THSD7B: variants seen among roughly 807,000 people sequenced by gnomAD.
THSD7B encodes thrombospondin type-1 domain-containing protein 7B.
In THSD7B, 138 loss-of-function variants were observed where a neutral mutation model predicts 213.6. The observed-to-expected ratio is 0.65, with a 90% CI of 0.56 to 0.74. The LOEUF is 0.74. Among genes scored for constraint, THSD7B ranks in the 30% least tolerant of loss-of-function variants. The pLI, the probability that THSD7B is intolerant of heterozygous loss-of-function variation, is 0.00. For missense variants in THSD7B, 1,931 were observed against 1,991.5 expected (o/e 0.97, Z 0.58); for synonymous variants, 742 against 687.0 (o/e 1.08, Z -1.25).
intron 12 of THSD7B, among the ~76,000 whole-genome samples, chr2:137,387,099 G>A (rs979550850): frequency 6.6e-6 from 1 of 152,210 alleles, no homozygotes; most frequent in African/African-American, 2.4e-5. Context: ...GGCTCACCCT[G>A]TGTAGCAATT....
chr2:137,265,378 A>T (rs1354093567), intron 10 of THSD7B, among the ~76,000 whole-genome samples: 2 of 152,218 alleles, frequency 1.3e-5, no homozygotes, highest in Non-Finnish European at 2.9e-5. Flanking sequence ...ACTGTAAACT[A>T]GTTCAACCAC....
At chr2:137,532,148 G>C (rs1029319285) in intron 15 of THSD7B, among the ~76,000 whole-genome samples, 1 of 151,864 alleles carries the variant, frequency 6.6e-6, no homozygotes, top group African/African-American at 2.4e-5. Flanking sequence ...AAATGTTTGG[G>C]GAATGAAAGA....
chr2:136,963,094 C>T (rs1685253632), intron 2 of THSD7B, among the ~76,000 whole-genome samples: 1 of 152,024 alleles, frequency 6.6e-6, no homozygotes, highest in African/African-American at 2.4e-5. Context: ...TTAAAAATTA[C>T]AAAATTAAAA....
At chr2:136,990,291 G>T (rs565700915) in intron 2 of THSD7B, among the ~76,000 whole-genome samples, 2 of 152,180 alleles carry the variant, frequency 1.3e-5, no homozygotes, top group Non-Finnish European at 2.9e-5. Flanking sequence ...GTAATGTGAG[G>T]GGCAGATATC....
chr2:137,611,093 A>G (rs1453800236), intron 17 of THSD7B, among the ~76,000 whole-genome samples: 1 of 151,486 alleles, frequency 6.6e-6, no homozygotes, highest in Non-Finnish European at 1.5e-5. Context: ...TAATGAAAAC[A>G]GTTTTGCAAT....
chr2:136,831,953 C>T (rs1388570796), intron 1 of THSD7B, among the ~76,000 whole-genome samples: 2 of 152,112 alleles, frequency 1.3e-5, no homozygotes, highest in Non-Finnish European at 2.9e-5. Flanking sequence ...TAATAATTGT[C>T]CTGCTCATTT....
intron 17 of THSD7B, among the ~76,000 whole-genome samples, chr2:137,611,844 T>C (rs1161897878): frequency 1.3e-5 from 2 of 152,152 alleles, no homozygotes; most frequent in East Asian, 3.8e-4. Flanking sequence ...TAAAGCGTAA[T>C]TGTAAGTCTT....
chr2:137,475,091 A>G (rs895929864), intron 15 of THSD7B, among the ~76,000 whole-genome samples: 5 of 152,158 alleles, frequency 3.3e-5, no homozygotes, highest in African/African-American at 4.8e-5. Flanking sequence ...CTTTCCATGT[A>G]TATTGCTAAC....
At chr2:137,089,614 A>T (rs1444206142) in intron 3 of THSD7B, among the ~76,000 whole-genome samples, 1 of 152,028 alleles carries the variant, frequency 6.6e-6, no homozygotes, top group Non-Finnish European at 1.5e-5. Context: ...AGTTATGAGG[A>T]TGCAAAGGCA....
intron 2 of THSD7B, among the ~76,000 whole-genome samples, chr2:136,952,893 A>G (rs1415445762): frequency 1.3e-5 from 2 of 152,142 alleles, no homozygotes; most frequent in Admixed American, 6.5e-5. Context: ...TTTGCCATTA[A>G]TGGGAATAAA....
intron 17 of THSD7B, among the ~76,000 whole-genome samples, chr2:137,581,394 C>G (rs1192205008): frequency 6.6e-6 from 1 of 152,114 alleles, no homozygotes; most frequent in Non-Finnish European, 1.5e-5. Context: ...TTGAGACCAG[C>G]CTTCCCAACA....
chr2:137,421,737 G>T (rs567511114), intron 14 of THSD7B, among the ~76,000 whole-genome samples: 7 of 152,172 alleles, frequency 4.6e-5, no homozygotes, highest in Middle Eastern at 3.2e-3. Context: ...GAGAAGATTA[G>T]AGTCCTGCCT....
intron 1 of THSD7B, among the ~76,000 whole-genome samples, chr2:136,838,674 G>A (rs1443648082): frequency 6.6e-6 from 1 of 152,120 alleles, no homozygotes; most frequent in Admixed American, 6.5e-5. Flanking sequence ...GAACCTATGG[G>A]GCTGACACAC....
At chr2:136,943,477 T>G (rs1250349926) in intron 2 of THSD7B, among the ~76,000 whole-genome samples, 5 of 152,232 alleles carry the variant, frequency 3.3e-5, no homozygotes, top group African/African-American at 1.2e-4. Context: ...TTTTTGTACC[T>G]CTGGTAGAAT....
At chr2:137,561,485 C>T (rs941802725) in intron 15 of THSD7B, among the ~76,000 whole-genome samples, 2 of 152,120 alleles carry the variant, frequency 1.3e-5, no homozygotes, top group African/African-American at 4.8e-5. Context: ...GTACAAAGCA[C>T]TTTGGCAGAG....
At chr2:137,659,907 T>C (rs1052046712) in intron 25 of THSD7B, among the ~76,000 whole-genome samples, 161 bp downstream of exon 25, 2 of 152,238 alleles carry the variant, frequency 1.3e-5, no homozygotes, top group Non-Finnish European at 2.9e-5. Context: ...AAAGAATTTC[T>C]CGTCAGGACC....
At chr2:136,995,109 A>C (rs930325784) in intron 2 of THSD7B, among the ~76,000 whole-genome samples, 1 of 152,216 alleles carries the variant, frequency 6.6e-6, no homozygotes, top group African/African-American at 2.4e-5. Flanking sequence ...CAAAGCTGGC[A>C]TCTGGAGTAG....
intron 9 of THSD7B, among the ~76,000 whole-genome samples, chr2:137,236,723 A>G (rs1300204104): frequency 6.6e-6 from 1 of 152,230 alleles, no homozygotes; most frequent in Non-Finnish European, 1.5e-5. Context: ...TGAATACATC[A>G]GTTCCTGGGT....
At chr2:137,673,521 C>A (rs1683626085) in intron 27 of THSD7B, among the ~76,000 whole-genome samples, 1 of 152,076 alleles carries the variant, frequency 6.6e-6, no homozygotes, top group Non-Finnish European at 1.5e-5. Context: ...GTGAACATAC[C>A]TTTTCTGAAA....
Sources: gnomAD v4.1 joint callset for allele counts (sites outside exome capture counted in the v4.1 genomes callset) on GRCh38, gnomAD v4.1.1 for gene constraint, MANE v1.5 for transcripts, NCBI Gene and HGNC (gene_info 2026-07-23, HGNC 2026-07-21) for gene names.